The following TTC23L variants were observed in gnomAD, a reference collection of about 807,000 sequenced individuals.
TTC23L encodes tetratricopeptide repeat protein 23-like.
In TTC23L, 42 loss-of-function variants were observed where a neutral mutation model predicts 48.1. That is an observed-to-expected ratio of 0.87 (90% CI 0.68 to 1.13). The LOEUF (loss-of-function observed/expected upper bound fraction) is 1.13. TTC23L is among the 50% of genes most tolerant of loss of function. The pLI is 0.00. For synonymous variants in TTC23L, 159 were observed against 157.2 expected, an observed-to-expected ratio of 1.01 and a Z score of -0.09; for missense variants, 391 against 421.0, an observed-to-expected ratio of 0.93 and a Z score of 0.62.
the TTC23L span, chr5:34,925,160 T>A: frequency 2.0e-6 from 3 of 1,471,708 alleles, no homozygotes; most frequent in African/African-American, 4.3e-5. Flanking sequence ...TAACTGAAAG[T>A]CTTTGCCTTA....
At chr5:34,864,621 T>G in intron 6 of TTC23L, 59 bp downstream of exon 6, 1 of 1,503,374 alleles carries the variant, frequency 6.7e-7, no homozygotes, top group African/African-American at 1.4e-5. Flanking sequence ...AATTACATGA[T>G]ATAAGGGAGA....
intron 7 of TTC23L, 54 bp downstream of exon 7, chr5:34,867,123 G>A: frequency 6.5e-7 from 1 of 1,545,560 alleles, no homozygotes; most frequent in Non-Finnish European, 8.8e-7. Flanking sequence ...CCCCAGGCTT[G>A]GTTCTCAGGG....
At chr5:34,882,596 CT>C (rs1238381758) in intron 9 of TTC23L, among the ~76,000 whole-genome samples, 1 of 145,496 alleles carries the variant, frequency 6.9e-6, no homozygotes, top group Non-Finnish European at 1.5e-5. Flanking sequence ...ACTCACAAGA[CT>C]TGGGAATTGT....
chr5:34,911,910 C>T, the TTC23L span: 1 of 1,393,180 alleles, frequency 7.2e-7, no homozygotes, highest in Admixed American at 2.1e-5. Context: ...ATAATTTATT[C>T]CGCCCAATTT....
At chr5:34,914,579 G>A in the TTC23L span, 7 of 878,676 alleles carry the variant, frequency 8.0e-6, no homozygotes, top group East Asian at 1.8e-4. Context: ...TATTTATTAT[G>A]ACTATTGACA....
At chr5:34,862,857 T>A in intron 4 of TTC23L, 41 bp from the exon 5 acceptor site, 1 of 1,609,972 alleles carries the variant, frequency 6.2e-7, no homozygotes, top group Non-Finnish European at 8.5e-7. Context: ...CATGCCTTTT[T>A]AATGTCTGTC....
intron 8 of TTC23L, among the ~76,000 whole-genome samples, chr5:34,875,480 C>G (rs1761770704): frequency 6.6e-6 from 1 of 152,124 alleles, no homozygotes; most frequent in Non-Finnish European, 1.5e-5. Flanking sequence ...AAAATGTAGG[C>G]TGGGAGGCTA....
the TTC23L span, chr5:34,908,985 C>T: frequency 6.6e-7 from 1 of 1,519,568 alleles, no homozygotes; most frequent in Middle Eastern, 1.7e-4. Flanking sequence ...TATATCAACA[C>T]AGTGAACACT....
chr5:34,914,793 T>C, the TTC23L span: 19 of 1,614,122 alleles, frequency 1.2e-5, no homozygotes, highest in African/African-American at 2.7e-5. Context: ...CGGAAATGAA[T>C]AGCTTTCAAG....
At chr5:34,910,691 G>C in the TTC23L span, among the ~76,000 whole-genome samples, 1 of 152,322 alleles carries the variant, frequency 6.6e-6, no homozygotes, top group East Asian at 1.9e-4. Flanking sequence ...GCCTCCCAAA[G>C]TGCTGGGATT....
the TTC23L span, chr5:34,908,141 G>C: frequency 2.0e-5 from 3 of 150,794 alleles, no homozygotes; most frequent in African/African-American, 7.3e-5. Context: ...GATCATTTCA[G>C]GTAGCTGCAT....
the TTC23L span, chr5:34,918,313 A>G: frequency 2.0e-5 from 19 of 958,232 alleles, no homozygotes; most frequent in East Asian, 4.5e-4. Context: ...ACAAAACAAG[A>G]TCAGTTCAGT....
intron 3 of TTC23L, among the ~76,000 whole-genome samples, chr5:34,846,825 A>G (rs1329114312): frequency 2.0e-5 from 3 of 151,722 alleles, no homozygotes; most frequent in African/African-American, 7.3e-5. Context: ...TGGAAAGGAT[A>G]TGGGTAAGAT....
chr5:34,915,597 C>A, the TTC23L span: 49 of 1,111,748 alleles, frequency 4.4e-5, no homozygotes, highest in Admixed American at 9.9e-5. Context: ...GCGTGCCGCG[C>A]CACCGAGACC....
intron 10 of TTC23L, among the ~76,000 whole-genome samples, chr5:34,897,106 C>G (rs1763273046): frequency 6.6e-6 from 1 of 152,094 alleles, no homozygotes; most frequent in South Asian, 2.1e-4. Context: ...AAACCTTCGG[C>G]TGGGTGCTGT....
At chr5:34,846,652 TAC>T (rs1222755555) in intron 3 of TTC23L, among the ~76,000 whole-genome samples, 18 of 113,004 alleles carry the variant, frequency 1.6e-4, no homozygotes, top group Admixed American at 5.1e-4. Context: ...TATATACAAA[TAC>T]ATATATGTGT....
downstream of TTC23L, among the ~76,000 whole-genome samples, chr5:34,901,631 G>A (rs569357216): frequency 2.7e-4 from 41 of 152,198 alleles, no homozygotes; most frequent in African/African-American, 9.2e-4. Flanking sequence ...GTGTGGTGGC[G>A]CATGCCTGTA....
chr5:34,903,184 A>G (rs186227355), downstream of TTC23L, among the ~76,000 whole-genome samples: 50 of 152,268 alleles, frequency 3.3e-4, 1 homozygote, highest in East Asian at 9.1e-3. Context: ...TTGTCAGTGT[A>G]AGGTTGCCAT....
chr5:34,879,772 C>T (rs1001142721), intron 8 of TTC23L, among the ~76,000 whole-genome samples: 12 of 152,086 alleles, frequency 7.9e-5, no homozygotes, highest in Admixed American at 1.3e-4. Flanking sequence ...CCGAGGTGGG[C>T]GGATCACGAG....
Sources: allele counts gnomAD v4.1 joint callset (sites outside exome capture counted in the v4.1 genomes callset), GRCh38; gene constraint gnomAD v4.1.1; transcripts MANE v1.5; gene names NCBI Gene and HGNC (gene_info 2026-07-23, HGNC 2026-07-21).